The following CDH6 variants were observed in gnomAD, a reference collection of about 807,000 sequenced individuals.
The protein encoded by CDH6 is cadherin 6.
CDH6 carries 31 observed loss-of-function variants against 78.0 expected under a neutral mutation model. That is an observed-to-expected ratio of 0.40 (90% CI 0.30 to 0.54). The LOEUF is 0.54. Ranked by LOEUF, CDH6 falls within the 20% of genes least tolerant of loss-of-function variation. CDH6 has a pLI of 0.56. For synonymous variants in CDH6, 376 were observed against 368.8 expected (o/e 1.02, Z -0.23); for missense variants, 724 against 975.9 (o/e 0.74, Z 3.44).
chr5:31,322,673 G>A, intron 11 of CDH6, 145 bp from the exon 12 acceptor site: 4 of 851,716 alleles, frequency 4.7e-6, no homozygotes, highest in Non-Finnish European at 7.2e-6. Context: ...ATGGAGGCAA[G>A]TGCATCCTTA....
intron 1 of CDH6, among the ~76,000 whole-genome samples, chr5:31,235,450 G>A (rs1313466709): frequency 6.6e-6 from 1 of 151,852 alleles, no homozygotes; most frequent in African/African-American, 2.4e-5. Context: ...AATACATTTA[G>A]AGTCTTCTTC....
intron 1 of CDH6, among the ~76,000 whole-genome samples, chr5:31,201,665 G>C (rs142679512): frequency 1.3e-5 from 2 of 152,130 alleles, no homozygotes; most frequent in African/African-American, 4.8e-5. Flanking sequence ...AACTGTTAAT[G>C]TTCCATGAAA....
At chr5:31,238,564 G>T (rs1344724188) in intron 1 of CDH6, among the ~76,000 whole-genome samples, 1 of 152,082 alleles carries the variant, frequency 6.6e-6, no homozygotes. Flanking sequence ...TGCAATTATG[G>T]CAGTAAGAAA....
chr5:31,226,070 T>A (rs1432258116), intron 1 of CDH6, among the ~76,000 whole-genome samples: 1 of 152,170 alleles, frequency 6.6e-6, no homozygotes, highest in Non-Finnish European at 1.5e-5. Flanking sequence ...AGTAATGCAC[T>A]TCTCAGGTTA....
chr5:31,283,370 G>T (rs996398930), intron 2 of CDH6, among the ~76,000 whole-genome samples: 5 of 152,148 alleles, frequency 3.3e-5, no homozygotes, highest in African/African-American at 1.2e-4. Context: ...ATGTGTTGTG[G>T]TTAATAGAGT....
At chr5:31,252,251 G>A (rs116282883) in intron 1 of CDH6, among the ~76,000 whole-genome samples, 1,621 of 152,044 alleles carry the variant, frequency 0.011, 16 homozygotes, top group Admixed American at 0.019. Context: ...ACATTAGTAC[G>A]GGAACCACAA....
intron 2 of CDH6, among the ~76,000 whole-genome samples, chr5:31,286,944 T>C (rs1172900069): frequency 6.6e-6 from 1 of 151,972 alleles, no homozygotes; most frequent in African/African-American, 2.4e-5. Flanking sequence ...TGGCAGAGGG[T>C]ATGGCCTAGG....
intron 1 of CDH6, among the ~76,000 whole-genome samples, chr5:31,245,641 C>T (rs1161682037): frequency 6.6e-6 from 1 of 152,162 alleles, no homozygotes; most frequent in African/African-American, 2.4e-5. Flanking sequence ...AAGTTGAAAA[C>T]TAATATAAAC....
chr5:31,226,791 G>A (rs1005744272), intron 1 of CDH6, among the ~76,000 whole-genome samples: 1 of 152,118 alleles, frequency 6.6e-6, no homozygotes, highest in Non-Finnish European at 1.5e-5. Context: ...AACTGTTTGG[G>A]ACTGCAAATA....
At chr5:31,217,017 C>G (rs1256223341) in intron 1 of CDH6, among the ~76,000 whole-genome samples, 1 of 152,010 alleles carries the variant, frequency 6.6e-6, no homozygotes, top group Admixed American at 6.6e-5. Flanking sequence ...AGCAGAGGGA[C>G]CTTTTATTAT....
intron 4 of CDH6, among the ~76,000 whole-genome samples, chr5:31,299,234 C>A (rs1292564187): frequency 6.6e-6 from 1 of 151,822 alleles, no homozygotes; most frequent in Non-Finnish European, 1.5e-5. Flanking sequence ...CTGACTTGTA[C>A]TTATTTTTAT....
chr5:31,276,477 G>C (rs1742695976), intron 2 of CDH6, among the ~76,000 whole-genome samples: 1 of 152,144 alleles, frequency 6.6e-6, no homozygotes, highest in Admixed American at 6.5e-5. Context: ...TATTTTAGGT[G>C]AGTTGGTGTG....
intron 3 of CDH6, among the ~76,000 whole-genome samples, chr5:31,296,455 G>A (rs868781168): frequency 6.6e-6 from 1 of 152,176 alleles, no homozygotes; most frequent in African/African-American, 2.4e-5. Context: ...GATCTGAAAT[G>A]TAATAGCCTT....
At chr5:31,199,480 G>GTGTA (rs764305105) in intron 1 of CDH6, among the ~76,000 whole-genome samples, 4 of 32,064 alleles carry the variant, frequency 1.2e-4, no homozygotes, top group African/African-American at 2.9e-4. Flanking sequence ...ACACATATGT[G>GTGTA]TATATATGTA....
At chr5:31,252,797 C>G (rs1741945648) in intron 1 of CDH6, among the ~76,000 whole-genome samples, 1 of 151,620 alleles carries the variant, frequency 6.6e-6, no homozygotes, top group South Asian at 2.1e-4. Context: ...TTTTATGATA[C>G]TCTGACAATG....
chr5:31,233,343 CA>C (rs5867063), intron 1 of CDH6, among the ~76,000 whole-genome samples: 115,927 of 141,986 alleles, frequency 0.82, 47,499 homozygotes, highest in East Asian at 0.97. Flanking sequence ...CCCGTCTCTA[CA>C]AAAAAAAAAA....
At chr5:31,255,865 C>T (rs1175903671) in intron 1 of CDH6, among the ~76,000 whole-genome samples, 1 of 152,174 alleles carries the variant, frequency 6.6e-6, no homozygotes, top group Non-Finnish European at 1.5e-5. Context: ...ATTGAATGAA[C>T]AAAGCTATCC....
At chr5:31,262,401 A>G (rs558330414) in intron 1 of CDH6, among the ~76,000 whole-genome samples, 2 of 152,358 alleles carry the variant, frequency 1.3e-5, no homozygotes, top group Admixed American at 1.3e-4. Context: ...CCACTTTTGC[A>G]TATCAAATTT....
intron 2 of CDH6, among the ~76,000 whole-genome samples, chr5:31,270,191 G>A (rs919246827): frequency 1.1e-4 from 17 of 152,092 alleles, no homozygotes; most frequent in Non-Finnish European, 2.4e-4. Flanking sequence ...GCTCCACTAG[G>A]TCAGGAAACT....
Sources: gnomAD v4.1 joint callset for allele counts (sites outside exome capture counted in the v4.1 genomes callset) on GRCh38, gnomAD v4.1.1 for gene constraint, MANE v1.5 for transcripts, NCBI Gene and HGNC (gene_info 2026-07-23, HGNC 2026-07-21) for gene names.